Variants in CUL1 observed in about 807,000 individuals in gnomAD.
CUL1 encodes cullin-1.
Under a neutral mutation model 118.0 loss-of-function variants are expected in CUL1, and 24 were observed. That is an observed-to-expected ratio of 0.20 (90% CI 0.15 to 0.29). The LOEUF is 0.29. Among genes scored for constraint, CUL1 ranks in the 10% least tolerant of loss-of-function variants. The pLI is 1.00. For missense variants in CUL1, 361 were observed against 933.8 expected (o/e 0.39, Z 7.99); for synonymous variants, 332 against 340.4 (o/e 0.98, Z 0.27).
At chr7:148,768,777 G>T (rs17626383) in intron 9 of CUL1, among the ~76,000 whole-genome samples, 5,557 of 152,024 alleles carry the variant, frequency 0.037, 136 homozygotes, top group Non-Finnish European at 0.055. Context: ...GATTATTTTT[G>T]ATAGCATTAT....
chr7:148,717,988 G>A (rs901235287), intron 1 of CUL1, among the ~76,000 whole-genome samples: 2 of 152,070 alleles, frequency 1.3e-5, no homozygotes, highest in African/African-American at 4.8e-5. Flanking sequence ...ATTGTTGCAG[G>A]GGAGTATAAA....
At chr7:148,737,576 ATATTTATTTATTTATT>A (rs200912415) in intron 2 of CUL1, among the ~76,000 whole-genome samples, 6 of 127,044 alleles carry the variant, frequency 4.7e-5, no homozygotes, top group Admixed American at 1.5e-4. Context: ...ATATATTTTT[ATATTTATTTATTTATT>A]TATTTATTTA....
Position 148,780,501 on chromosome 7 carries a change from C to T in CUL1, c.1084-3282C>T, listed in dbSNP as rs1584812291. On this transcript the variant is annotated intron_variant, in intron 9 of 21. Coordinates refer to ENST00000325222, the MANE Select transcript of CUL1 (RefSeq NM_003592.3). ...TGAGTCCTGGGTGCCTGGCTCGAGC[C>T]GCTGGGTGAGTGGTGGCACTTGCCG... Among the ~76,000 whole-genome samples, 4 of 152,166 alleles carry T rather than the reference C, an allele frequency of 2.6e-5. No individual in the cohort carries two copies. In the South Asian group the frequency reaches 6.2e-4, roughly 24 times the overall value.
chr7:148,772,190 A>G (rs1047176616), intron 9 of CUL1, among the ~76,000 whole-genome samples: 2 of 152,190 alleles, frequency 1.3e-5, no homozygotes, highest in Non-Finnish European at 2.9e-5. Flanking sequence ...CAAGGCAGGC[A>G]GATCACCTGA....
chr7:148,773,200 CATA>C (rs1177983513), intron 9 of CUL1, among the ~76,000 whole-genome samples: 12 of 152,106 alleles, frequency 7.9e-5, no homozygotes, highest in African/African-American at 2.7e-4. Flanking sequence ...TAATATAAAT[CATA>C]ATATTACACT....
intron 2 of CUL1, among the ~76,000 whole-genome samples, chr7:148,743,211 A>G (rs535661579): frequency 2.0e-5 from 3 of 152,298 alleles, no homozygotes; most frequent in African/African-American, 7.2e-5. Context: ...TGAATGTGCC[A>G]TGTACTCTTG....
chr7:148,800,631 T>C lies in CUL1; in HGVS notation c.*49T>C, dbSNP rs113366644. ...GTGACCCGCAGCAAATAGTTCATGT[T>C]GGAAAGAATGAAAACAACTCAAGTT... On this transcript the variant is annotated 3_prime_UTR_variant, in exon 22 of 22. Transcript: ENST00000325222. The surrounding 1 kb of genome is among the most constrained non-coding windows in gnomAD (Gnocchi z 4.6). The C allele has an allele frequency of 2.1e-6, 3 of 1,452,512 alleles. No individual in the cohort carries two copies. The highest frequency in any genetic ancestry group is 1.8e-5 in the Admixed American group (1 of 56,180). 90.0% of individuals were successfully genotyped at this position (1,452,512 alleles called of 1,614,324 possible).
chr7:148,781,993 C>T (rs961528417), intron 9 of CUL1, among the ~76,000 whole-genome samples: 4 of 152,112 alleles, frequency 2.6e-5, no homozygotes, highest in South Asian at 2.1e-4. Flanking sequence ...TTTGTAGGGC[C>T]GTTAACTTGT....
rs888192855 is a variant in CUL1, at chr7:148,729,987, T to G, written c.-136T>G. ...GTTTGCCTGCAATGAGATTTCATTC[T>G]CTACATTTAAAGGACATCCTTTCTG... On this transcript the variant is annotated 5_prime_UTR_variant, in exon 2 of 22. Transcript: ENST00000325222. The G allele has an allele frequency of 4.0e-6, 4 of 991,006 alleles. No homozygotes were observed. The highest frequency in any genetic ancestry group is 6.8e-4 in the Middle Eastern group (2 of 2,960). 61.4% of individuals were successfully genotyped at this position (991,006 alleles called of 1,614,324 possible).
At chr7:148,749,828 C>G (rs1371678975) in intron 2 of CUL1, among the ~76,000 whole-genome samples, 1 of 152,214 alleles carries the variant, frequency 6.6e-6, no homozygotes, top group Non-Finnish European at 1.5e-5. Flanking sequence ...AAAAGCTAGG[C>G]CTCTTGTGCT....
At position 148,783,837 on chromosome 7, in the gene CUL1, C is replaced by T. The variant is rs890666706; in HGVS notation, c.1138C>T (p.Leu380=). 2 of 1,614,052 alleles carry T rather than the reference C, an allele frequency of 1.2e-6. No homozygotes were observed. Among genetic ancestry groups the T allele is most frequent in the African/African-American group, 1.3e-5 (1 of 74,904 alleles). ...VLDVHKKYNA[L]VMSAFNNDAG... ...TGATGTTCATAAAAAATACAATGCC[C>T]TGGTAATGTCTGCATTCAACAATGA... The change falls in exon 10 of 22, where the codon CTG becomes TTG. Residue 380 remains leucine (L), a synonymous_variant. Transcript: ENST00000325222.
chr7:148,800,640 T>A lies in CUL1; in HGVS notation c.*58T>A. On this transcript the variant is annotated 3_prime_UTR_variant, in exon 22 of 22. Transcript: ENST00000325222. The surrounding 1 kb of genome is among the most constrained non-coding windows in gnomAD (Gnocchi z 4.6). ...AGCAAATAGTTCATGTTGGAAAGAA[T>A]GAAAACAACTCAAGTTCATAGCAGC... The A allele has an allele frequency of 7.2e-7, 1 of 1,396,344 alleles. No homozygotes were observed. The highest frequency in any genetic ancestry group is 1.0e-6 in the Non-Finnish European group (1 of 992,318). 86.5% of individuals were successfully genotyped at this position (1,396,344 alleles called of 1,614,324 possible). A position where few individuals can be genotyped will look rare whatever the true frequency, so the allele number is the denominator to read the frequency against.
chr7:148,783,188 A>C (rs1441093385), intron 9 of CUL1: 1 of 261,404 alleles, frequency 3.8e-6, no homozygotes, highest in African/African-American at 2.3e-5. Context: ...TTCCCGTTGC[A>C]TTTCCATGTT....
At chr7:148,735,162 C>T (rs1642705071) in intron 2 of CUL1, among the ~76,000 whole-genome samples, 1 of 152,212 alleles carries the variant, frequency 6.6e-6, no homozygotes, top group Non-Finnish European at 1.5e-5. Flanking sequence ...TAAGTCATAA[C>T]ATAAGCACAT....
At chr7:148,750,293 A>C (rs1336179293) in intron 2 of CUL1, among the ~76,000 whole-genome samples, 2 of 126,010 alleles carry the variant, frequency 1.6e-5, no homozygotes, top group Admixed American at 1.6e-4. Context: ...GCCACCTAGG[A>C]CTTTTTTTTT....
chr7:148,708,427 A>G (rs1030495372), intron 1 of CUL1, among the ~76,000 whole-genome samples: 1 of 152,162 alleles, frequency 6.6e-6, no homozygotes. Context: ...CCATAACACT[A>G]TGTGTTTATA....
chr7:148,705,606 G>C (rs747746010), intron 1 of CUL1, among the ~76,000 whole-genome samples: 13 of 152,174 alleles, frequency 8.5e-5, no homozygotes, highest in African/African-American at 1.2e-4. Flanking sequence ...AGTCAGAACG[G>C]GGGAAAAAGG....
intron 9 of CUL1, among the ~76,000 whole-genome samples, chr7:148,779,922 C>T (rs151126476): frequency 3.6e-4 from 55 of 152,246 alleles, no homozygotes; most frequent in African/African-American, 1.2e-3. Context: ...GGCAGAAAAA[C>T]GTGAAAAGGC....
At chr7:148,718,296 G>A (rs777618185) in intron 1 of CUL1, among the ~76,000 whole-genome samples, 1 of 152,214 alleles carries the variant, frequency 6.6e-6, no homozygotes, top group Non-Finnish European at 1.5e-5. Flanking sequence ...TAAAGTTAGA[G>A]TTGTGTGGCC....
Sources: gnomAD v4.1 joint callset for allele counts (sites outside exome capture counted in the v4.1 genomes callset) on GRCh38, gnomAD v4.1.1 for gene constraint, Gnocchi (gnomAD v3.1) non-coding constraint, MANE v1.5 for transcripts, NCBI Gene and HGNC (gene_info 2026-07-23, HGNC 2026-07-21) for gene names.